Variants in PCDH9 observed in about 807,000 individuals in gnomAD.
PCDH9 encodes protocadherin 9.
PCDH9 carries 24 observed loss-of-function variants against 70.6 expected under a neutral mutation model. That is an observed-to-expected ratio of 0.34 (90% CI 0.25 to 0.48). The LOEUF is 0.48. Ranked by LOEUF, PCDH9 falls within the 20% of genes least tolerant of loss-of-function variation. The pLI is 0.99. For missense variants in PCDH9, 1,281 were observed against 1,503.6 expected (o/e 0.85, Z 2.45); for synonymous variants, 562 against 558.5 (o/e 1.01, Z -0.09).
Position 66,903,494 on chromosome 13 carries a change from T to C in PCDH9, c.3138+10A>G, listed in dbSNP as rs372212385. On this transcript the variant is annotated intron_variant, in intron 3 of 4. Coordinates refer to ENST00000377865, the MANE Select transcript of PCDH9 (RefSeq NM_203487.3). ...AGTACTAACATGTTCTCTATAGATATATGGCATACCTCGTAATGGCTTTCT... is the reference window on the plus strand; with the variant it reads ...AGTACTAACATGTTCTCTATAGATACATGGCATACCTCGTAATGGCTTTCT... 238 of 1,207,470 alleles carry C rather than the reference T, an allele frequency of 2.0e-4. 1 individual carries two copies. The highest frequency in any genetic ancestry group is 2.6e-4 in the Non-Finnish European group (210 of 813,740). The allele number at this position is 1,207,470 out of a possible 1,614,324, so 74.8% of individuals were successfully genotyped here. A position where few individuals can be genotyped will look rare whatever the true frequency, so the allele number is the denominator to read the frequency against.
intron 3 of PCDH9, among the ~76,000 whole-genome samples, chr13:66,645,268 T>C (rs1212566558): frequency 6.6e-6 from 1 of 151,982 alleles, no homozygotes; most frequent in East Asian, 1.9e-4. Flanking sequence ...GACCCCTTCC[T>C]CCTCCCCATC....
At chr13:66,315,777 A>G (rs1209540975) in intron 4 of PCDH9, among the ~76,000 whole-genome samples, 1 of 152,128 alleles carries the variant, frequency 6.6e-6, no homozygotes, top group East Asian at 1.9e-4. Flanking sequence ...TACTGGGCCC[A>G]GTGGCCACTC....
chr13:67,177,227 A>G (rs894810986), intron 2 of PCDH9, among the ~76,000 whole-genome samples: 4 of 152,102 alleles, frequency 2.6e-5, no homozygotes, highest in African/African-American at 9.7e-5. Context: ...ATTTCTTGTT[A>G]TTAAATAATT....
chr13:66,360,170 A>G (rs571907364), intron 4 of PCDH9, among the ~76,000 whole-genome samples: 11 of 152,184 alleles, frequency 7.2e-5, no homozygotes, highest in Non-Finnish European at 1.3e-4. Flanking sequence ...CCTTTTTTGC[A>G]TATGTCCTTG....
chr13:66,469,056 C>CAAA (rs1958567246), intron 4 of PCDH9, among the ~76,000 whole-genome samples: 1 of 151,976 alleles, frequency 6.6e-6, no homozygotes, highest in Admixed American at 6.6e-5. Flanking sequence ...TGTGTGGGAC[C>CAAA]TAATCAGAAT....
At chr13:66,845,252 G>A (rs2081187299) in intron 3 of PCDH9, among the ~76,000 whole-genome samples, 1 of 152,194 alleles carries the variant, frequency 6.6e-6, no homozygotes, top group African/African-American at 2.4e-5. Flanking sequence ...GCTGCCCTCA[G>A]CCCCACTTCA....
At chr13:66,484,008 G>A (rs566364597) in intron 4 of PCDH9, among the ~76,000 whole-genome samples, 2 of 152,104 alleles carry the variant, frequency 1.3e-5, no homozygotes, top group Non-Finnish European at 2.9e-5. Context: ...TTTGGCCGGG[G>A]CACTTGGAGG....
At chr13:66,315,746 A>C (rs767958357) in intron 4 of PCDH9, among the ~76,000 whole-genome samples, 4 of 152,072 alleles carry the variant, frequency 2.6e-5, no homozygotes, top group Non-Finnish European at 4.4e-5. Context: ...CTCCCAAAGT[A>C]CTGGGATTAC....
chr13:67,118,991 CT>C (rs1356215741), intron 2 of PCDH9, among the ~76,000 whole-genome samples: 1 of 152,110 alleles, frequency 6.6e-6, no homozygotes, highest in Non-Finnish European at 1.5e-5. Context: ...AAAACAACTT[CT>C]TTGCAGTAGC....
At chr13:66,913,551 T>TAGTTTCAC (rs1174747507) in intron 2 of PCDH9, among the ~76,000 whole-genome samples, 1 of 152,022 alleles carries the variant, frequency 6.6e-6, no homozygotes, top group Non-Finnish European at 1.5e-5. Flanking sequence ...TCATCTGACT[T>TAGTTTCAC]AGTTTCACAG....
chr13:66,895,921 A>T (rs902875305), intron 3 of PCDH9, among the ~76,000 whole-genome samples: 8 of 152,194 alleles, frequency 5.3e-5, no homozygotes, highest in Non-Finnish European at 1.2e-4. Context: ...CACAGCTGTC[A>T]GGCTGAATGG....
chr13:67,004,916 AT>A (rs2084321110), intron 2 of PCDH9, among the ~76,000 whole-genome samples: 1 of 152,070 alleles, frequency 6.6e-6, no homozygotes. Context: ...CAATCTTTAA[AT>A]TTTTCTCTAA....
At chr13:66,338,080 C>T (rs973984814) in intron 4 of PCDH9, among the ~76,000 whole-genome samples, 1 of 152,050 alleles carries the variant, frequency 6.6e-6, no homozygotes, top group Non-Finnish European at 1.5e-5. Context: ...GCAGCCAAAA[C>T]CTCAGTTTTC....
chr13:66,509,477 T>G (rs1046997169), intron 4 of PCDH9, among the ~76,000 whole-genome samples: 4 of 152,172 alleles, frequency 2.6e-5, no homozygotes, highest in African/African-American at 9.7e-5. Flanking sequence ...GCTTGACACA[T>G]CCCACTGATC....
chr13:67,190,388 A>C (rs2138017199), intron 2 of PCDH9, among the ~76,000 whole-genome samples: 1 of 152,152 alleles, frequency 6.6e-6, no homozygotes, highest in African/African-American at 2.4e-5. Flanking sequence ...TTACTTTTCC[A>C]AAATCAGAGT....
chr13:66,860,242 G>T (rs1050655417), intron 3 of PCDH9, among the ~76,000 whole-genome samples: 2 of 152,048 alleles, frequency 1.3e-5, no homozygotes, highest in African/African-American at 2.4e-5. Context: ...CTATGTGAAT[G>T]AACCCACAGT....
At chr13:66,887,998 G>C (rs2082035964) in intron 3 of PCDH9, among the ~76,000 whole-genome samples, 2 of 152,130 alleles carry the variant, frequency 1.3e-5, no homozygotes, top group Admixed American at 1.3e-4. Context: ...ATATTTTCTA[G>C]TTTTTGAAAA....
At chr13:66,743,814 A>T (rs948954944) in intron 3 of PCDH9, among the ~76,000 whole-genome samples, 1 of 152,184 alleles carries the variant, frequency 6.6e-6, no homozygotes, top group Admixed American at 6.5e-5. Context: ...AAATAATTTT[A>T]AAATTTATAA....
chr13:66,606,126 AT>A (rs111673316), intron 4 of PCDH9, among the ~76,000 whole-genome samples: 23 of 151,662 alleles, frequency 1.5e-4, no homozygotes, highest in African/African-American at 4.8e-4. Flanking sequence ...CTACTCACTT[AT>A]TTTTTTTCCC....
Sources: gnomAD v4.1 joint callset for allele counts (sites outside exome capture counted in the v4.1 genomes callset) on GRCh38, gnomAD v4.1.1 for gene constraint, MANE v1.5 for transcripts, NCBI Gene and HGNC (gene_info 2026-07-23, HGNC 2026-07-21) for gene names.